The following SESTD1 variants were observed in gnomAD, a reference collection of about 807,000 sequenced individuals.
SESTD1 encodes the protein SEC14 and spectrin domain containing 1, also known as SEC14 domain and spectrin repeat-containing protein 1.
In SESTD1, 43 loss-of-function variants were observed where a neutral mutation model predicts 101.7. The observed-to-expected ratio is 0.42, with a 90% CI of 0.33 to 0.55. The LOEUF is 0.55. Ranked by LOEUF, SESTD1 falls within the 20% of genes least tolerant of loss-of-function variation. SESTD1 has a pLI of 0.07. For missense variants in SESTD1, 647 were observed against 815.1 expected (o/e 0.79, Z 2.51); for synonymous variants, 283 against 286.8 (o/e 0.99, Z 0.13).
Position 179,264,805 on chromosome 2 carries a change from C to T in SESTD1, c.-332G>A, listed in dbSNP as rs940715473. 6.0e-5 allele frequency: 9 copies of T among 151,182 alleles called. No homozygotes were observed. Among genetic ancestry groups the T allele is most frequent in the African/African-American group, 2.2e-4 (9 of 41,164 alleles). The allele number at this position is 151,182 out of a possible 1,614,324, so 9.4% of individuals were successfully genotyped here. On this transcript the variant is annotated 5_prime_UTR_variant, in exon 1 of 18. Transcript: ENST00000428443. ...GCGCGCCCGGGTGACGGCGGTACAG[C>T]AACCCGCCCGGCGCGGGAAGGAGGA...
chr2:179,256,035 G>A (rs1230672690), intron 1 of SESTD1, among the ~76,000 whole-genome samples: 1 of 150,946 alleles, frequency 6.6e-6, no homozygotes, highest in African/African-American at 2.4e-5. Flanking sequence ...AAAAAAAAAA[G>A]ATTCCTTTCA....
chr2:179,110,135 C>T (rs1219568298), intron 17 of SESTD1, 107 bp from the exon 18 acceptor site: 15 of 1,081,286 alleles, frequency 1.4e-5, no homozygotes, highest in Non-Finnish European at 2.0e-5. Flanking sequence ...CATGAGATAG[C>T]CTATGTGTAA....
At chr2:179,123,570 G>C in intron 12 of SESTD1, 145 bp downstream of exon 12, 1 of 610,894 alleles carries the variant, frequency 1.6e-6, no homozygotes, top group Non-Finnish European at 2.8e-6. Context: ...ACCCCTCAAG[G>C]GAATAAAATC....
intron 1 of SESTD1, among the ~76,000 whole-genome samples, chr2:179,196,336 C>T (rs1025164743): frequency 6.6e-6 from 1 of 152,212 alleles, no homozygotes; most frequent in African/African-American, 2.4e-5. Context: ...ACTGCTAGCA[C>T]AGCAGTCTGA....
chr2:179,160,567 T>A (rs1011216615), intron 5 of SESTD1, among the ~76,000 whole-genome samples: 1 of 151,998 alleles, frequency 6.6e-6, no homozygotes, highest in Admixed American at 6.5e-5. Flanking sequence ...TCTAATTAAG[T>A]GACCAATTGA....
chr2:179,256,682 G>A (rs577118609), intron 1 of SESTD1, among the ~76,000 whole-genome samples: 10 of 152,046 alleles, frequency 6.6e-5, no homozygotes, highest in Middle Eastern at 3.4e-3. Flanking sequence ...CATGGTGGCA[G>A]GAGCCTGTAG....
At position 179,124,331 on chromosome 2, in the gene SESTD1, GAAGAA is replaced by G. The variant is rs764765719; in HGVS notation, c.1167+28_1167+32del. On this transcript the variant is annotated intron_variant, in intron 11 of 17. Coordinates refer to ENST00000428443, the MANE Select transcript of SESTD1 (RefSeq NM_178123.5). ...GTGTAGGTAAGTGTTCAGATAATTTGAAGAAAAGAAAAGAATCAGAATAGACACTT... is the reference window on the plus strand; with the variant it reads ...GTGTAGGTAAGTGTTCAGATAATTTGAAGAAAAGAATCAGAATAGACACTT... 1.4e-4 allele frequency: 226 copies of G among 1,577,578 alleles called. 1 individual carries two copies. Among genetic ancestry groups the G allele is most frequent in the African/African-American group, 8.8e-4 (65 of 73,588 alleles).
intron 1 of SESTD1, among the ~76,000 whole-genome samples, chr2:179,257,652 G>A (rs1259515163): frequency 6.6e-6 from 1 of 152,006 alleles, no homozygotes; most frequent in Non-Finnish European, 1.5e-5. Flanking sequence ...ACAAACTAAA[G>A]ATAAAGGCAA....
chr2:179,218,850 T>A (rs921249228), intron 1 of SESTD1, among the ~76,000 whole-genome samples: 1 of 152,226 alleles, frequency 6.6e-6, no homozygotes, highest in East Asian at 1.9e-4. Flanking sequence ...AATCTATACT[T>A]AGAACCTAAC....
chr2:179,172,458 A>G (rs186087094), intron 4 of SESTD1, among the ~76,000 whole-genome samples: 3 of 152,324 alleles, frequency 2.0e-5, no homozygotes, highest in Admixed American at 2.0e-4. Context: ...ATGCAGCATA[A>G]ATTGTACATG....
At chr2:179,263,195 G>C (rs2047506997) in intron 1 of SESTD1, among the ~76,000 whole-genome samples, 1 of 152,086 alleles carries the variant, frequency 6.6e-6, no homozygotes, top group Admixed American at 6.6e-5. Context: ...TTTAGTCATG[G>C]GGCAAAGTAT....
chr2:179,116,265 CTG>C (rs1391014325), intron 15 of SESTD1, among the ~76,000 whole-genome samples: 6 of 147,484 alleles, frequency 4.1e-5, no homozygotes, highest in African/African-American at 1.0e-4. Flanking sequence ...CAGAGGAAGA[CTG>C]TGTCTTAAAA....
At chr2:179,124,205 TA>T (rs572761321) in intron 11 of SESTD1, among the ~76,000 whole-genome samples, 158 bp downstream of exon 11, 8 of 152,072 alleles carry the variant, frequency 5.3e-5, no homozygotes, top group Admixed American at 5.2e-4. Flanking sequence ...TACTTGTTTT[TA>T]AAAAAAATCA....
chr2:179,202,002 C>T (rs1423361268), intron 1 of SESTD1, among the ~76,000 whole-genome samples: 1 of 129,250 alleles, frequency 7.7e-6, no homozygotes, highest in Non-Finnish European at 1.6e-5. Flanking sequence ...CCAAGCATGT[C>T]AAAAATAGTC....
Position 179,176,452 on chromosome 2 carries a change from A to G in SESTD1, c.251T>C (p.Leu84Pro). 6.2e-7 allele frequency: 1 copy of G among 1,612,708 alleles called. No homozygotes were observed. The highest frequency in any genetic ancestry group is 8.5e-7 in the Non-Finnish European group (1 of 1,179,200). ...WNVVKTVVVM[L>P]QNVVPAEVSL... Reference sequence around the variant, plus strand: ...GATAGACAAAACCAAAATTACCTGTAGCATTACGACTACTGTTTTCACCAC... The same window carrying G: ...GATAGACAAAACCAAAATTACCTGTGGCATTACGACTACTGTTTTCACCAC... The change falls in exon 4 of 18, where the codon CTA becomes CCA. Residue 84 changes from leucine to proline, a missense_variant. Around this residue, in one of 3 missense-constraint regions of SESTD1, gnomAD observed 168 missense variants for 235.1 expected, o/e 0.71. Transcript: ENST00000428443.
intron 1 of SESTD1, among the ~76,000 whole-genome samples, chr2:179,245,515 CAAAAAAAA>C (rs59103658): frequency 6.6e-5 from 3 of 45,178 alleles, no homozygotes; most frequent in Admixed American, 3.0e-4. Context: ...GACTCTGTCT[CAAAAAAAA>C]AAAAAAAAAA....
chr2:179,249,096 A>G (rs948991352), intron 1 of SESTD1, among the ~76,000 whole-genome samples: 14 of 146,970 alleles, frequency 9.5e-5, no homozygotes, highest in African/African-American at 1.7e-4. Context: ...GTCTTTAAGA[A>G]AAAAAAAAAA....
In SESTD1 at chr2:179,208,399, A is replaced by G. The variant is rs533596001; in HGVS notation, c.-25-16533T>C. Among the ~76,000 whole-genome samples, 7 of 134,990 alleles carry G rather than the reference A, an allele frequency of 5.2e-5. 1 individual carries two copies. The highest frequency in any genetic ancestry group is 2.0e-4 in the African/African-American group (7 of 34,260). 88.6% of individuals were successfully genotyped at this position (134,990 alleles called of 152,430 possible). A position where few individuals can be genotyped will look rare whatever the true frequency, so the allele number is the denominator to read the frequency against. ...CACCCAGGAAATTCTTTGCAAAAAGATAATCACCTAGGCACATAGTTTTCA... is the reference window on the plus strand; with the variant it reads ...CACCCAGGAAATTCTTTGCAAAAAGGTAATCACCTAGGCACATAGTTTTCA... On this transcript the variant is annotated intron_variant, in intron 1 of 17. Transcript: ENST00000428443.
intron 9 of SESTD1, among the ~76,000 whole-genome samples, chr2:179,142,687 G>A (rs1242671575): frequency 6.6e-6 from 1 of 152,170 alleles, no homozygotes; most frequent in East Asian, 1.9e-4. Flanking sequence ...ACTGCCTGGT[G>A]AAATCAGATA....
Sources: allele counts gnomAD v4.1 joint callset (sites outside exome capture counted in the v4.1 genomes callset), GRCh38; gene constraint gnomAD v4.1.1; regional missense constraint gnomAD v4.1.1; transcripts MANE v1.5; gene names NCBI Gene and HGNC (gene_info 2026-07-23, HGNC 2026-07-21).